The following RAD54B variants were observed in gnomAD, a reference collection of about 807,000 sequenced individuals.
The protein encoded by RAD54B is DNA repair and recombination protein RAD54B.
RAD54B carries 78 observed loss-of-function variants against 95.8 expected under a neutral mutation model. The observed-to-expected ratio is 0.81, with a 90% CI of 0.68 to 0.98. RAD54B has a LOEUF of 0.98. RAD54B is among the 50% of genes least tolerant of loss of function. The pLI, the probability that RAD54B is intolerant of heterozygous loss-of-function variation, is 0.00. For synonymous variants in RAD54B, 328 were observed against 354.9 expected, an observed-to-expected ratio of 0.92 and a Z score of 0.85; for missense variants, 957 against 1,056.6, an observed-to-expected ratio of 0.91 and a Z score of 1.31.
intron 3 of RAD54B, chr8:94,430,359 C>A: frequency 2.0e-6 from 2 of 983,582 alleles, no homozygotes; most frequent in East Asian, 1.1e-4. Flanking sequence ...CTGGTATCAA[C>A]CATCATCCAA....
intron 6 of RAD54B, among the ~76,000 whole-genome samples, chr8:94,402,026 G>A (rs886771520): frequency 6.6e-6 from 1 of 152,124 alleles, no homozygotes; most frequent in Non-Finnish European, 1.5e-5. Context: ...GCAGGTAGAA[G>A]ACAAAAGATG....
chr8:94,389,609 G>A (rs1177665182), intron 10 of RAD54B, among the ~76,000 whole-genome samples: 1 of 152,076 alleles, frequency 6.6e-6, no homozygotes. Flanking sequence ...TACTGGTTAC[G>A]TTCCACTCAC....
intron 1 of RAD54B, among the ~76,000 whole-genome samples, chr8:94,469,634 A>G (rs550453348): frequency 1.4e-4 from 22 of 152,338 alleles, no homozygotes; most frequent in African/African-American, 4.8e-4. Flanking sequence ...TCACATACAA[A>G]TATCAAACAT....
At chr8:94,408,953 G>T (rs1209821317) in intron 4 of RAD54B, among the ~76,000 whole-genome samples, 1 of 151,312 alleles carries the variant, frequency 6.6e-6, no homozygotes, top group African/African-American at 2.4e-5. Context: ...AAACATCTCA[G>T]TCGCTAGAAG....
At chr8:94,457,053 A>G (rs1023220615) in intron 3 of RAD54B, among the ~76,000 whole-genome samples, 2 of 152,258 alleles carry the variant, frequency 1.3e-5, no homozygotes, top group African/African-American at 2.4e-5. Context: ...TAGAATACAA[A>G]TAAAGCCCAA....
Position 94,432,023 on chromosome 8 carries a change from G to T in RAD54B, c.305-20708C>A, listed in dbSNP as rs1208129555. ...ATATCTAAAAAGTTTTTCCATAATA[G>T]AGATTAACAACATTTTTCAAGAACG... On this transcript the variant is annotated intron_variant, in intron 3 of 14. Coordinates refer to ENST00000336148, the MANE Select transcript of RAD54B (RefSeq NM_012415.3). The T allele has an allele frequency of 4.4e-6, 6 of 1,371,506 alleles. No homozygotes were observed. In the African/African-American group the frequency reaches 7.3e-5, roughly 17 times the overall value. The allele number at this position is 1,371,506 out of a possible 1,614,324, so 85.0% of individuals were successfully genotyped here. A position where few individuals can be genotyped will look rare whatever the true frequency, so the allele number is the denominator to read the frequency against.
Position 94,475,088 on chromosome 8 carries a change from T to C in RAD54B, c.-104A>G, listed in dbSNP as rs1272911527. ...CCTCGCCGCCGGAGAAGCTCAAGGATCCCGCCTCGGCGAAGCCAATCGCGG... is the reference window on the plus strand; with the variant it reads ...CCTCGCCGCCGGAGAAGCTCAAGGACCCCGCCTCGGCGAAGCCAATCGCGG... On this transcript the variant is annotated 5_prime_UTR_variant, in exon 1 of 15. Transcript: ENST00000336148. 2 of 152,608 alleles carry C rather than the reference T, an allele frequency of 1.3e-5. No homozygotes were observed. Among genetic ancestry groups the C allele is most frequent in the Admixed American group, 6.5e-5 (1 of 15,284 alleles). 9.5% of individuals were successfully genotyped at this position (152,608 alleles called of 1,614,324 possible).
At chr8:94,405,208 A>G (rs747556424) in intron 5 of RAD54B, among the ~76,000 whole-genome samples, 1 of 152,242 alleles carries the variant, frequency 6.6e-6, no homozygotes, top group Non-Finnish European at 1.5e-5. Flanking sequence ...TTACTAAAAT[A>G]TCACCCAAAA....
intron 3 of RAD54B, among the ~76,000 whole-genome samples, chr8:94,426,217 T>C (rs1811939035): frequency 6.6e-6 from 1 of 150,944 alleles, no homozygotes; most frequent in Non-Finnish European, 1.5e-5. Flanking sequence ...CCTCCCAAAG[T>C]GCTGGGATGA....
rs1248667343 is a variant in RAD54B, at chr8:94,404,231, C to T, written c.790G>A (p.Val264Ile). Residue 264 changes from valine (V) to isoleucine (I), a missense_variant, in exon 6 of 15, where the codon GTT becomes ATT. Physicochemically the swap from Val to Ile is conservative, Grantham distance 29. Coordinates refer to ENST00000336148, the MANE Select transcript of RAD54B (RefSeq NM_012415.3). ...RHDPYTPNSL[V>I]MPRPDKNHQW... ...TGATTCTTATCTGGTCGTGGCATAACGAGGGAATCTTAAAAAATGATAAAA... is the reference window on the plus strand; with the variant it reads ...TGATTCTTATCTGGTCGTGGCATAATGAGGGAATCTTAAAAAATGATAAAA... The T allele has an allele frequency of 1.1e-5, 17 of 1,583,540 alleles. No individual in the cohort carries two copies. Among genetic ancestry groups the T allele is most frequent in the Non-Finnish European group, 1.4e-5 (16 of 1,169,674 alleles).
At chr8:94,376,744 ATATT>A (rs1810583953) in intron 14 of RAD54B, among the ~76,000 whole-genome samples, 1 of 148,604 alleles carries the variant, frequency 6.7e-6, no homozygotes. Flanking sequence ...TATTAGTTAT[ATATT>A]TATATATGAC....
chr8:94,461,643 G>GT (rs1383716731), intron 2 of RAD54B, among the ~76,000 whole-genome samples: 2 of 151,820 alleles, frequency 1.3e-5, no homozygotes, highest in East Asian at 3.9e-4. Context: ...CAAATTCATG[G>GT]TAACATTCCA....
At position 94,384,067 on chromosome 8, in the gene RAD54B, C is replaced by T. The variant is rs1810809719; in HGVS notation, c.1985+2917G>A. ...TAATGGGTGCAGCAAACCAACATGG[C>T]ACATGTATACATATGTAACAAACCT... is the stretch of plus-strand genomic sequence containing the variant. On this transcript the variant is annotated intron_variant, in intron 11 of 14. Coordinates refer to ENST00000336148, the MANE Select transcript of RAD54B (RefSeq NM_012415.3). Among the ~76,000 whole-genome samples, 5 of 152,074 alleles carry T rather than the reference C, an allele frequency of 3.3e-5. No individual in the cohort carries two copies. The South Asian group carries it at 1.0e-3, about 32-fold the overall frequency.
At chr8:94,436,326 A>G (rs970513927) in intron 3 of RAD54B, among the ~76,000 whole-genome samples, 1 of 152,188 alleles carries the variant, frequency 6.6e-6, no homozygotes, top group African/African-American at 2.4e-5. Context: ...TGCAACAGAA[A>G]AATTCCTCAT....
chr8:94,454,490 A>G (rs1197582995), intron 3 of RAD54B, among the ~76,000 whole-genome samples: 1 of 152,274 alleles, frequency 6.6e-6, no homozygotes, highest in African/African-American at 2.4e-5. Flanking sequence ...AACCAATAAA[A>G]TATTTTAAAA....
At chr8:94,450,855 C>T (rs1314241923) in intron 3 of RAD54B, among the ~76,000 whole-genome samples, 1 of 151,988 alleles carries the variant, frequency 6.6e-6, no homozygotes, top group Non-Finnish European at 1.5e-5. Context: ...AATTTGGTCC[C>T]TTTTTGATAG....
chr8:94,442,793 A>ACTCATTATACCCAAACTCT (rs1812433957), intron 3 of RAD54B, among the ~76,000 whole-genome samples: 1 of 152,152 alleles, frequency 6.6e-6, no homozygotes, highest in African/African-American at 2.4e-5. Flanking sequence ...ATTATACCAA[A>ACTCATTATACCCAAACTCT]AGGAAAGTTA....
chr8:94,394,709 C>T, intron 8 of RAD54B, among the ~76,000 whole-genome samples: 1 of 151,738 alleles, frequency 6.6e-6, no homozygotes, highest in Admixed American at 6.6e-5. Context: ...ATAATAGTGC[C>T]AAAAGAACAT....
intron 14 of RAD54B, among the ~76,000 whole-genome samples, chr8:94,375,409 C>T (rs1422714418): frequency 6.6e-6 from 1 of 152,060 alleles, no homozygotes; most frequent in African/African-American, 2.4e-5. Context: ...ATGGGTCTCA[C>T]GAGATCTGAT....
Sources: gnomAD v4.1 joint callset for allele counts (sites outside exome capture counted in the v4.1 genomes callset) on GRCh38, gnomAD v4.1.1 for gene constraint, MANE v1.5 for transcripts, NCBI Gene and HGNC (gene_info 2026-07-23, HGNC 2026-07-21) for gene names.